The following PLEKHM2 variants were observed in gnomAD, a reference collection of about 807,000 sequenced individuals.
The protein encoded by PLEKHM2 is pleckstrin homology and RUN domain containing M2.
Under a neutral mutation model 116.3 loss-of-function variants are expected in PLEKHM2, and 77 were observed. That is an observed-to-expected ratio of 0.66 (90% CI 0.55 to 0.80). The LOEUF (loss-of-function observed/expected upper bound fraction) is 0.80, where lower values mean the gene tolerates loss of function less well. Among genes scored for constraint, PLEKHM2 ranks in the 30% least tolerant of loss-of-function variants. The pLI, the probability that PLEKHM2 is intolerant of heterozygous loss-of-function variation, is 0.00. For missense variants in PLEKHM2, 1,183 were observed against 1,354.9 expected (o/e 0.87, Z 1.99); for synonymous variants, 562 against 571.0 (o/e 0.98, Z 0.22).
chr1:15,732,216 G>A (rs968133094), intron 17 of PLEKHM2, 134 bp from the exon 18 acceptor site: 12 of 953,700 alleles, frequency 1.3e-5, no homozygotes, highest in African/African-American at 3.3e-5. Flanking sequence ...CCCCATCCCC[G>A]CCTCTGCTCC....
chr1:15,684,648 C>A, intron 1 of PLEKHM2, 30 bp downstream of exon 1: 2 of 1,208,546 alleles, frequency 1.7e-6, no homozygotes, highest in Non-Finnish European at 2.1e-6. Context: ...CGGCCGGGGC[C>A]CCTTCCTCGC....
intron 14 of PLEKHM2, 28 bp from the exon 15 acceptor site, chr1:15,730,504 T>C (rs1237962555): frequency 6.6e-7 from 1 of 1,510,466 alleles, no homozygotes; most frequent in Non-Finnish European, 8.9e-7. Context: ...CTTACTTGCT[T>C]TGTCCCCCGT....
chr1:15,684,866 G>T (rs1053821972), intron 1 of PLEKHM2, among the ~76,000 whole-genome samples: 1 of 152,234 alleles, frequency 6.6e-6, no homozygotes, highest in East Asian at 2.0e-4. Context: ...CCTGGCCCGG[G>T]GCCCTGCCCT....
chr1:15,728,506 T>A lies in PLEKHM2; in HGVS notation c.1921+149T>A. On this transcript the variant is annotated intron_variant, in intron 11 of 19. Transcript: ENST00000375799. The surrounding 1 kb of genome is among the most constrained non-coding windows in gnomAD (Gnocchi z 5.9). ...CCAAGGAAGGTGTTGCCAGCAGCCCTGAGACGTGAGCCTGGGGCTCCCTCT... is the reference window on the plus strand; with the variant it reads ...CCAAGGAAGGTGTTGCCAGCAGCCCAGAGACGTGAGCCTGGGGCTCCCTCT... The A allele has an allele frequency of 1.0e-6, 1 of 981,098 alleles. No individual in the cohort carries two copies. Among genetic ancestry groups the A allele is most frequent in the Non-Finnish European group, 1.5e-6 (1 of 651,610 alleles). 60.8% of individuals were successfully genotyped at this position (981,098 alleles called of 1,614,324 possible).
rs760177162 is a variant in PLEKHM2, at chr1:15,729,992, C to T, written c.2208+63C>T. On this transcript the variant is annotated intron_variant, in intron 14 of 19. Transcript: ENST00000375799. The surrounding 1 kb of genome is among the most constrained non-coding windows in gnomAD (Gnocchi z 4.7). ...GATGGCAGAGCAGCAGCCGCCTTGGCGTGAGCGTTAAGGGATGCACGTGGA... is the reference window on the plus strand; with the variant it reads ...GATGGCAGAGCAGCAGCCGCCTTGGTGTGAGCGTTAAGGGATGCACGTGGA... The T allele has an allele frequency of 5.0e-5, 67 of 1,326,874 alleles. No individual in the cohort carries two copies. The highest frequency in any genetic ancestry group is 1.2e-4 in the African/African-American group (8 of 66,274). The allele number at this position is 1,326,874 out of a possible 1,614,324, so 82.2% of individuals were successfully genotyped here. A position where few individuals can be genotyped will look rare whatever the true frequency, so the allele number is the denominator to read the frequency against.
At chr1:15,725,602 CCCAG>C in intron 8 of PLEKHM2, 57 bp downstream of exon 8, 2 of 1,245,366 alleles carry the variant, frequency 1.6e-6, no homozygotes, top group Non-Finnish European at 2.3e-6. Flanking sequence ...CCTGTCCACT[CCCAG>C]CATCAGCTGT....
intron 1 of PLEKHM2, among the ~76,000 whole-genome samples, chr1:15,715,945 C>T (rs1232021810): frequency 6.6e-6 from 1 of 152,196 alleles, no homozygotes; most frequent in Non-Finnish European, 1.5e-5. Flanking sequence ...AGCTTGCCAC[C>T]ACTTGAGACC....
At position 15,687,253 on chromosome 1, in the gene PLEKHM2, GTC is replaced by G. The variant is rs780822607; in HGVS notation, c.60+2640_60+2641del. 3.3e-5 allele frequency among the ~76,000 whole-genome samples: 5 copies of G among 151,896 alleles called. 1 individual carries two copies. The South Asian group carries it at 1.0e-3, about 32-fold the overall frequency. ...GTGATCTCAGCTCGCTGCAAGCTCCGTCTCTCAGGTTCACGCCATTCTCCTGC... is the reference window on the plus strand; with the variant it reads ...GTGATCTCAGCTCGCTGCAAGCTCCGTCTCAGGTTCACGCCATTCTCCTGC... On this transcript the variant is annotated intron_variant, in intron 1 of 19. Transcript: ENST00000375799.
At chr1:15,691,303 C>G (rs1271017535) in intron 1 of PLEKHM2, among the ~76,000 whole-genome samples, 1 of 152,146 alleles carries the variant, frequency 6.6e-6, no homozygotes, top group Non-Finnish European at 1.5e-5. Context: ...AACTCCTGAG[C>G]TCAGGTGATC....
intron 1 of PLEKHM2, among the ~76,000 whole-genome samples, chr1:15,707,269 C>CA (rs34649127): frequency 0.32 from 44,732 of 138,294 alleles, 8,050 homozygotes; most frequent in African/African-American, 0.52. Flanking sequence ...AAAAAAAATA[C>CA]AAAAAAAAAA....
intron 1 of PLEKHM2, 101 bp from the exon 2 acceptor site, chr1:15,716,136 A>G: frequency 2.8e-6 from 2 of 709,656 alleles, no homozygotes; most frequent in South Asian, 3.4e-5. Flanking sequence ...TTGTGGATAC[A>G]CCATTTGACT....
At chr1:15,730,802 C>T (rs994217604) in intron 15 of PLEKHM2, 80 bp downstream of exon 15, 175 of 1,174,986 alleles carry the variant, frequency 1.5e-4, no homozygotes, top group Non-Finnish European at 2.0e-4. Flanking sequence ...GGGATCTCTC[C>T]GCAGCAGGTC....
chr1:15,720,934 TCCC>T (rs1291088916), intron 6 of PLEKHM2: 1 of 169,142 alleles, frequency 5.9e-6, no homozygotes, highest in African/African-American at 2.4e-5. Flanking sequence ...GATGGAGGTG[TCCC>T]CTCAGCAATT....
At position 15,727,293 on chromosome 1, in the gene PLEKHM2, G is replaced by A. The variant is rs558893831; in HGVS notation, c.1221G>A (p.Gly407=). The stretch of plus-strand genomic sequence containing the variant: ...AGGACACCTCCATGGAGCGCTTGGG[G>A]CAGCCCCTGAGCAAGGTTATCGACC... The part of the protein sequence containing the change: ...EMKDTSMERL[G]QPLSKVIDQL... The change falls in exon 9 of 20, where the codon GGG becomes GGA. Residue 407 remains glycine (G), a synonymous_variant. Transcript: ENST00000375799. The surrounding 1 kb of genome is among the most constrained non-coding windows in gnomAD (Gnocchi z 7.5). 210 of 1,605,006 alleles carry A rather than the reference G, an allele frequency of 1.3e-4. 1 individual carries two copies. The South Asian group carries it at 2.3e-3, about 17-fold the overall frequency.
chr1:15,725,306 T>C lies in PLEKHM2; in HGVS notation c.713-11T>C, dbSNP rs1202514207. On this transcript the variant is annotated splice_polypyrimidine_tract_variant and intron_variant, in intron 7 of 19. Coordinates refer to ENST00000375799, the MANE Select transcript of PLEKHM2 (RefSeq NM_015164.4). The stretch of plus-strand genomic sequence containing the variant: ...CCTGACAGGGTGTCTCCTGCTTCCT[T>C]GTCCTCCCAGATGGAGACCTCACAG... 2 of 1,545,016 alleles carry C rather than the reference T, an allele frequency of 1.3e-6. No homozygotes were observed. Among genetic ancestry groups the C allele is most frequent in the Admixed American group, 2.0e-5 (1 of 50,988 alleles).
chr1:15,731,892 G>T lies in PLEKHM2; in HGVS notation c.2469G>T (p.Gly823=). Residue 823 remains glycine, a synonymous_variant, in exon 17 of 20, where the codon GGG becomes GGT. Coordinates refer to ENST00000375799, the MANE Select transcript of PLEKHM2 (RefSeq NM_015164.4). ...VIPLLSVNMG[G]EQCGGCRRAN... ...TCACCCTCCTCCTCTGGCCCAGGGGGGAGCAGTGCGGTGGCTGCCGGAGAG... is the reference window on the plus strand; with the variant it reads ...TCACCCTCCTCCTCTGGCCCAGGGGTGAGCAGTGCGGTGGCTGCCGGAGAG... 4 of 1,610,494 alleles carry T rather than the reference G, an allele frequency of 2.5e-6. No individual in the cohort carries two copies. Among genetic ancestry groups the T allele is most frequent in the Non-Finnish European group, 3.4e-6 (4 of 1,178,842 alleles).
At chr1:15,733,681 G>T in intron 19 of PLEKHM2, 116 bp from the exon 20 acceptor site, 1 of 1,075,622 alleles carries the variant, frequency 9.3e-7, no homozygotes, top group Non-Finnish European at 1.4e-6. Flanking sequence ...GGAGAGATGG[G>T]GAGGGCCTGA....
At chr1:15,720,631 C>A (rs1468947308) in intron 6 of PLEKHM2, 3 of 233,218 alleles carry the variant, frequency 1.3e-5, no homozygotes, top group Non-Finnish European at 1.4e-5. Flanking sequence ...TACTTCACCC[C>A]ACCACCTCAC....
chr1:15,684,688 T>C, intron 1 of PLEKHM2, 70 bp downstream of exon 1: 1 of 557,726 alleles, frequency 1.8e-6, no homozygotes, highest in Non-Finnish European at 2.2e-6. Context: ...GGCGGCGCTC[T>C]CCCGGGCCGG....
Sources: allele counts gnomAD v4.1 joint callset (sites outside exome capture counted in the v4.1 genomes callset), GRCh38; gene constraint gnomAD v4.1.1; non-coding constraint Gnocchi (gnomAD v3.1); transcripts MANE v1.5; gene names NCBI Gene and HGNC (gene_info 2026-07-23, HGNC 2026-07-21).